The following ZSCAN5A variants were observed in gnomAD, a reference collection of about 807,000 sequenced individuals.
The protein encoded by ZSCAN5A is zinc finger and SCAN domain-containing protein 5A.
ZSCAN5A carries 12 observed loss-of-function variants against 23.7 expected under a neutral mutation model. That is an observed-to-expected ratio of 0.51 (90% CI 0.32 to 0.82). The LOEUF (loss-of-function observed/expected upper bound fraction) is 0.82, where lower values mean the gene tolerates loss of function less well. ZSCAN5A is among the 40% of genes least tolerant of loss of function. ZSCAN5A has a pLI of 0.03. For missense variants in ZSCAN5A, 597 were observed against 617.9 expected (o/e 0.97, Z 0.36); for synonymous variants, 257 against 239.9 (o/e 1.07, Z -0.66).
intron 1 of ZSCAN5A, chr19:56,367,976 T>C (rs887285593): frequency 3.9e-5 from 6 of 152,346 alleles, no homozygotes; most frequent in Non-Finnish European, 8.8e-5. Flanking sequence ...TCATAGGCCC[T>C]TCCCCCCCTC....
intron 2 of ZSCAN5A, among the ~76,000 whole-genome samples, chr19:56,265,427 TGGTG>T (rs2037407478): frequency 6.6e-6 from 1 of 150,686 alleles, no homozygotes; most frequent in Admixed American, 6.7e-5. Context: ...AACTTAAAGC[TGGTG>T]GAAAGTAAAC....
intron 2 of ZSCAN5A, among the ~76,000 whole-genome samples, chr19:56,271,129 G>C (rs996178729): frequency 6.6e-6 from 1 of 152,230 alleles, no homozygotes; most frequent in Non-Finnish European, 1.5e-5. Flanking sequence ...TGCTAAGGAA[G>C]GATGGAAAAT....
At chr19:56,327,447 TTTA>T (rs936609117) in intron 2 of ZSCAN5A, among the ~76,000 whole-genome samples, 7 of 150,572 alleles carry the variant, frequency 4.6e-5, no homozygotes, top group African/African-American at 1.7e-4. Context: ...AATATATATA[TTTA>T]TTAATAATAC....
chr19:56,303,082 G>A (rs2040452501), intron 2 of ZSCAN5A: 1 of 390,718 alleles, frequency 2.6e-6, no homozygotes, highest in South Asian at 1.4e-4. Flanking sequence ...TGTGGGTTAA[G>A]GACAGAATGG....
chr19:56,273,710 ATGG>A (rs1380487573), intron 2 of ZSCAN5A, among the ~76,000 whole-genome samples: 1 of 152,138 alleles, frequency 6.6e-6, no homozygotes, highest in African/African-American at 2.4e-5. Context: ...AAGGAGGGGC[ATGG>A]TGGTGAGACT....
intron 2 of ZSCAN5A, chr19:56,301,992 C>G (rs1490309559): frequency 8.1e-7 from 1 of 1,232,002 alleles, no homozygotes; most frequent in East Asian, 3.2e-5. Context: ...GGCACCACCC[C>G]ATCCAGGAAA....
chr19:56,258,369 TCACCTTCCAGTGTGGGGGTGACGGACA>T (rs2036867448), intron 2 of ZSCAN5A, among the ~76,000 whole-genome samples: 1 of 146,680 alleles, frequency 6.8e-6, no homozygotes, highest in Non-Finnish European at 1.5e-5. Flanking sequence ...CTTGAAGGTC[TCACCTTCCAGTGTGGGGGTGACGGACA>T]CGCCTTCCAG....
At position 56,351,303 on chromosome 19, in the gene ZSCAN5A, G is replaced by A. The variant is rs916172137; in HGVS notation, c.-358+11932C>T. On this transcript the variant is annotated intron_variant, in intron 2 of 6. Transcript: ENST00000587340. The surrounding 1 kb of genome is among the most constrained non-coding windows in gnomAD (Gnocchi z 4.8). ...TCCACTCAACATGGTGATTCCCACC[G>A]TCTTCTCCTTGTTACCACCTGTGCA... Among the ~76,000 whole-genome samples the A allele has an allele frequency of 1.3e-5, 2 of 152,044 alleles. No individual in the cohort carries two copies. The highest frequency in any genetic ancestry group is 2.9e-5 in the Non-Finnish European group (2 of 68,024).
At chr19:56,239,591 G>T (rs763199718) in intron 2 of ZSCAN5A, among the ~76,000 whole-genome samples, 16 of 152,152 alleles carry the variant, frequency 1.1e-4, no homozygotes, top group Non-Finnish European at 2.2e-4. Flanking sequence ...ATAAGGGTAG[G>T]TTGGCTGATA....
At chr19:56,276,931 T>C (rs576863671) in intron 2 of ZSCAN5A, among the ~76,000 whole-genome samples, 8 of 152,088 alleles carry the variant, frequency 5.3e-5, no homozygotes, top group African/African-American at 1.2e-4. Flanking sequence ...TATTTACAAA[T>C]ACAAATACTT....
upstream of ZSCAN5A, chr19:56,319,813 T>G (rs1225871738): frequency 2.6e-6 from 2 of 777,766 alleles, no homozygotes; most frequent in Non-Finnish European, 4.8e-6. Context: ...GAATTGGGAC[T>G]CTTCTGTCGA....
intron 2 of ZSCAN5A, among the ~76,000 whole-genome samples, chr19:56,271,406 G>A (rs190375955): frequency 1.3e-4 from 20 of 152,216 alleles, no homozygotes; most frequent in Admixed American, 1.2e-3. Flanking sequence ...CTTTACTTCC[G>A]CATAGCACCG....
At chr19:56,321,501 C>G in intron 2 of ZSCAN5A, 1 of 722,156 alleles carries the variant, frequency 1.4e-6, no homozygotes, top group Non-Finnish European at 2.6e-6. Context: ...CATCCTTGCA[C>G]CATGCACCAC....
intron 2 of ZSCAN5A, 93 bp from the exon 3 acceptor site, chr19:56,225,266 G>A: frequency 2.4e-6 from 3 of 1,226,562 alleles, no homozygotes; most frequent in Non-Finnish European, 3.2e-6. Flanking sequence ...CACTTCTTCA[G>A]CAGCATCGAA....
intron 2 of ZSCAN5A, among the ~76,000 whole-genome samples, chr19:56,362,017 G>C (rs1465239953): frequency 6.6e-6 from 1 of 151,838 alleles, no homozygotes; most frequent in African/African-American, 2.4e-5. Flanking sequence ...AATTAGCTGG[G>C]CGGGGTGGCG....
intron 2 of ZSCAN5A, among the ~76,000 whole-genome samples, chr19:56,361,138 A>G (rs900284505): frequency 6.6e-6 from 1 of 152,250 alleles, no homozygotes; most frequent in Non-Finnish European, 1.5e-5. Flanking sequence ...AGAAATGCCA[A>G]TGAAAACCAC....
chr19:56,254,059 C>CTTT (rs11425014), intron 2 of ZSCAN5A, among the ~76,000 whole-genome samples: 2 of 143,348 alleles, frequency 1.4e-5, no homozygotes, highest in African/African-American at 2.6e-5. Flanking sequence ...GAATGAGCAT[C>CTTT]TTTTTTTTTT....
Position 56,224,855 on chromosome 19 carries a change from T to C in ZSCAN5A, c.192A>G (p.Lys64=), listed in dbSNP as rs766522832. ...GCCACAGATGGCACAGCTCAGTGAG[T>C]TTCCTCAGAGCCTGGATGGGGTCCG... The part of the protein sequence containing the change: ...KESDPIQALR[K]LTELCHLWLR... The change falls in exon 3 of 6, where the codon AAA becomes AAG. Residue 64 remains lysine, a synonymous_variant. Coordinates refer to ENST00000683990, the MANE Select transcript of ZSCAN5A (RefSeq NM_001322064.3). 6 of 1,613,750 alleles carry C rather than the reference T, an allele frequency of 3.7e-6. No individual in the cohort carries two copies. The South Asian group carries it at 5.5e-5, about 15-fold the overall frequency.
chr19:56,278,820 G>T (rs991131802), intron 2 of ZSCAN5A, among the ~76,000 whole-genome samples: 2 of 152,140 alleles, frequency 1.3e-5, no homozygotes, highest in East Asian at 1.9e-4. Context: ...GGAGTACCTG[G>T]AGTTCTGACA....
Sources: gnomAD v4.1 joint callset for allele counts (sites outside exome capture counted in the v4.1 genomes callset) on GRCh38, gnomAD v4.1.1 for gene constraint, Gnocchi (gnomAD v3.1) non-coding constraint, MANE v1.5 for transcripts, NCBI Gene and HGNC (gene_info 2026-07-23, HGNC 2026-07-21) for gene names.